The following KYNU variants were observed in gnomAD, a reference collection of about 807,000 sequenced individuals.
The protein encoded by KYNU is L-kynurenine hydrolase.
Under a neutral mutation model 59.2 loss-of-function variants are expected in KYNU, and 54 were observed. The observed-to-expected ratio is 0.91, with a 90% confidence interval of 0.73 to 1.14. The LOEUF (loss-of-function observed/expected upper bound fraction) is 1.14. Among genes scored for constraint, KYNU ranks in the 50% most tolerant of loss-of-function variants. KYNU has a pLI of 0.00. For missense variants in KYNU, 567 were observed against 554.4 expected, an observed-to-expected ratio of 1.02 and a Z score of -0.23; for synonymous variants, 177 against 192.0, an observed-to-expected ratio of 0.92 and a Z score of 0.65.
At chr2:142,973,971 A>G (rs1212329711) in intron 8 of KYNU, among the ~76,000 whole-genome samples, 1 of 152,208 alleles carries the variant, frequency 6.6e-6, no homozygotes, top group Non-Finnish European at 1.5e-5. Flanking sequence ...ATGTTCTAAC[A>G]CCACCCAAAG....
chr2:143,033,454 C>T, intron 12 of KYNU, 133 bp downstream of exon 12: 2 of 784,598 alleles, frequency 2.5e-6, no homozygotes, highest in Non-Finnish European at 2.3e-6. Flanking sequence ...GGACAGAAGG[C>T]AGCATTCCCC....
At chr2:142,957,911 T>C (rs976465612) in intron 7 of KYNU, 196 bp downstream of exon 7, 6 of 537,312 alleles carry the variant, frequency 1.1e-5, no homozygotes, top group Admixed American at 3.3e-5. Context: ...TATTTTCATT[T>C]TTCAAGGGCT....
chr2:142,997,438 A>G (rs1009295971), intron 10 of KYNU, among the ~76,000 whole-genome samples: 1 of 152,172 alleles, frequency 6.6e-6, no homozygotes, highest in East Asian at 1.9e-4. Context: ...TGTTTTTGCA[A>G]TGCTATGACA....
At chr2:142,921,923 G>GT (rs1182081967) in intron 3 of KYNU, among the ~76,000 whole-genome samples, 1 of 152,080 alleles carries the variant, frequency 6.6e-6, no homozygotes, top group Non-Finnish European at 1.5e-5. Flanking sequence ...CTGTTGCCTT[G>GT]TTTTTTTGTA....
chr2:142,948,601 T>C (rs934226555), intron 4 of KYNU, among the ~76,000 whole-genome samples: 1 of 151,942 alleles, frequency 6.6e-6, no homozygotes, highest in African/African-American at 2.4e-5. Context: ...GAAACTCCCC[T>C]TTTTTAAACC....
rs554242037 is a variant in KYNU at position 143,054,693 on chromosome 2, G to A, written c.*12521G>A. On this transcript the variant is annotated 3_prime_UTR_variant, in exon 14 of 14. Coordinates refer to ENST00000264170, the MANE Select transcript of KYNU (RefSeq NM_003937.3). ...CTACCTTCCAGTTTATAAAAAGTAT[G>A]AAGAATAGAGGGGCAATTAAATGAT... The A allele has an allele frequency of 1.3e-5, 2 of 152,284 alleles. No homozygotes were observed. Among genetic ancestry groups the A allele is most frequent in the East Asian group, 3.9e-4 (2 of 5,186 alleles). The allele number at this position is 152,284 out of a possible 1,614,324, so 9.4% of individuals were successfully genotyped here.
intron 4 of KYNU, among the ~76,000 whole-genome samples, chr2:142,936,698 T>C (rs747683396): frequency 5.9e-5 from 9 of 152,274 alleles, no homozygotes; most frequent in Non-Finnish European, 1.0e-4. Context: ...AGAGGCCATG[T>C]AGATTTTTCC....
At chr2:143,032,301 A>C (rs201396099) in intron 11 of KYNU, among the ~76,000 whole-genome samples, 4 of 74,550 alleles carry the variant, frequency 5.4e-5, no homozygotes, top group Non-Finnish European at 1.0e-4. Context: ...AAAAAAAAAA[A>C]CAAAACAAAA....
intron 3 of KYNU, among the ~76,000 whole-genome samples, chr2:142,925,891 A>G (rs1683033271): frequency 6.6e-6 from 1 of 152,200 alleles, no homozygotes; most frequent in Non-Finnish European, 1.5e-5. Context: ...TTCTTTCAAG[A>G]TGACAAACTT....
At chr2:142,895,836 C>G (rs565801117) in intron 2 of KYNU, among the ~76,000 whole-genome samples, 152 of 152,182 alleles carry the variant, frequency 1.0e-3, no homozygotes, top group Non-Finnish European at 1.8e-3. Flanking sequence ...AGGCGTGCAC[C>G]ACCACACCAG....
At chr2:142,969,380 G>C (rs1426315096) in intron 8 of KYNU, among the ~76,000 whole-genome samples, 4 of 152,154 alleles carry the variant, frequency 2.6e-5, no homozygotes, top group Admixed American at 6.5e-5. Flanking sequence ...TGTTCCATTA[G>C]CTAATTGGTC....
At chr2:142,895,704 A>T (rs1455610543) in intron 2 of KYNU, among the ~76,000 whole-genome samples, 1 of 151,400 alleles carries the variant, frequency 6.6e-6, no homozygotes, top group Non-Finnish European at 1.5e-5. Flanking sequence ...TTATTTTTTT[A>T]GAAAAGGTCT....
intron 8 of KYNU, among the ~76,000 whole-genome samples, chr2:142,966,661 A>G (rs1684550161): frequency 6.6e-6 from 1 of 152,086 alleles, no homozygotes; most frequent in African/African-American, 2.4e-5. Context: ...TCTCTACATT[A>G]CTTTTCAGCA....
Position 142,954,861 on chromosome 2 carries a change from A to T in KYNU, c.425A>T (p.His142Leu). 6.3e-7 allele frequency: 1 copy of T among 1,590,344 alleles called. No homozygotes were observed. Among genetic ancestry groups the T allele is most frequent in the Non-Finnish European group, 8.6e-7 (1 of 1,158,862 alleles). The part of the protein sequence containing the change: ...ALMNALTVNL[H>L]LLMLSFFKPT... ...ATGAATGCTTTGACTGTAAATTTACATCTTCTAATGGTAAGTTTTCTTTCC... is the reference window on the plus strand; with the variant it reads ...ATGAATGCTTTGACTGTAAATTTACTTCTTCTAATGGTAAGTTTTCTTTCC... The change falls in exon 5 of 14, where the codon CAT becomes CTT. Residue 142 changes from histidine (H) to leucine (L), a missense_variant. Physicochemically the swap from His to Leu is moderately conservative, Grantham distance 99 (BLOSUM62 -3). Transcript: ENST00000264170.
At chr2:142,991,999 A>G (rs1454896071) in intron 10 of KYNU, among the ~76,000 whole-genome samples, 1 of 151,982 alleles carries the variant, frequency 6.6e-6, no homozygotes, top group Non-Finnish European at 1.5e-5. Context: ...AGCAGCATCT[A>G]TCTCTATGAA....
At chr2:142,996,820 T>A (rs1199135884) in intron 10 of KYNU, among the ~76,000 whole-genome samples, 1 of 152,162 alleles carries the variant, frequency 6.6e-6, no homozygotes, top group Non-Finnish European at 1.5e-5. Flanking sequence ...TCATTAAGTC[T>A]TGGTTTGCCT....
chr2:143,033,908 A>T (rs1328376794), intron 12 of KYNU, among the ~76,000 whole-genome samples: 1 of 152,148 alleles, frequency 6.6e-6, no homozygotes, highest in African/African-American at 2.4e-5. Context: ...ATTTTTTTAA[A>T]TTGGGACTTC....
chr2:142,979,732 G>C (rs1573865318), intron 8 of KYNU, among the ~76,000 whole-genome samples: 1 of 152,014 alleles, frequency 6.6e-6, no homozygotes, highest in East Asian at 1.9e-4. Flanking sequence ...AGGATGGCTT[G>C]AGCCCAGGAG....
intron 8 of KYNU, among the ~76,000 whole-genome samples, chr2:142,977,907 C>T (rs1684938800): frequency 6.6e-6 from 1 of 152,148 alleles, no homozygotes; most frequent in Admixed American, 6.6e-5. Flanking sequence ...GAAATTCACT[C>T]TGAAAAGAGG....
Sources: gnomAD v4.1 joint callset for allele counts (sites outside exome capture counted in the v4.1 genomes callset) on GRCh38, gnomAD v4.1.1 for gene constraint, MANE v1.5 for transcripts, NCBI Gene and HGNC (gene_info 2026-07-23, HGNC 2026-07-21) for gene names.